HNRNPH1: variants seen among roughly 807,000 people sequenced by gnomAD.
HNRNPH1 encodes the protein heterogeneous nuclear ribonucleoprotein H.
A neutral mutation model predicts 58.6 loss-of-function variants in HNRNPH1; 4 were observed. That is an observed-to-expected ratio of 0.07 (90% CI 0.03 to 0.16). The LOEUF (loss-of-function observed/expected upper bound fraction) is 0.16, where lower values mean the gene tolerates loss of function less well. Ranked by LOEUF, HNRNPH1 falls within the 10% of genes least tolerant of loss-of-function variation. HNRNPH1 has a pLI of 1.00. For synonymous variants in HNRNPH1, 192 were observed against 189.2 expected, an observed-to-expected ratio of 1.01 and a Z score of -0.12; for missense variants, 271 against 564.2, an observed-to-expected ratio of 0.48 and a Z score of 5.26.
chr5:179,616,703 T>C (rs976598595), intron 10 of HNRNPH1, 166 bp downstream of exon 11: 23 of 647,606 alleles, frequency 3.6e-5, no homozygotes, highest in Non-Finnish European at 5.1e-5. Flanking sequence ...AGGAACTTCA[T>C]AACTCACAAG....
At chr5:179,626,753 GGTCTTTAT>G (rs1242230090), upstream of HNRNPH1, among the ~76,000 whole-genome samples, 1 of 149,214 alleles carries the variant, frequency 6.7e-6, no homozygotes, top group Non-Finnish European at 1.5e-5. Context: ...TTGCCTCAGT[GGTCTTTAT>G]GTCTTGGTAT....
chr5:179,632,774 T>TTTTTTTTAG (rs1562374973), intron 2 of HNRNPH1, among the ~76,000 whole-genome samples: 1 of 148,568 alleles, frequency 6.7e-6, no homozygotes, highest in Non-Finnish European at 1.5e-5. Context: ...TTTTTTTTTT[T>TTTTTTTTAG]GAGACGGAGT....
rs898411418 is a variant in HNRNPH1 at position 179,623,181 on chromosome 5, A to T, written c.-48T>A. On this transcript the variant is annotated 5_prime_UTR_variant, in exon 1 of 13. Transcript: ENST00000356731. ...CGAAACAAACTGCAAAGCGGGGAGG[A>T]CCAGAACTGAGAGCGCCAATTAAGC... is the stretch of plus-strand genomic sequence containing the variant. 3.6e-5 allele frequency: 50 copies of T among 1,405,488 alleles called. No homozygotes were observed. Among genetic ancestry groups the T allele is most frequent in the Non-Finnish European group, 4.7e-5 (47 of 999,582 alleles). 87.1% of individuals were successfully genotyped at this position (1,405,488 alleles called of 1,614,324 possible). A position where few individuals can be genotyped will look rare whatever the true frequency, so the allele number is the denominator to read the frequency against.
exon 13 of HNRNPH1, chr5:179,614,773 G>C: frequency 1.3e-6 from 1 of 752,598 alleles, no homozygotes; most frequent in Admixed American, 3.4e-5. Flanking sequence ...TTAAACTGAA[G>C]TTTTCTTAAA....
At chr5:179,616,725 G>T in intron 10 of HNRNPH1, 144 bp downstream of exon 11, 1 of 693,890 alleles carries the variant, frequency 1.4e-6, no homozygotes, top group Non-Finnish European at 2.4e-6. Context: ...ATTTAAGTAA[G>T]CCAGATACAA....
intron 8 of HNRNPH1, 119 bp downstream of exon 9, chr5:179,617,395 G>A (rs1402869019): frequency 8.3e-7 from 1 of 1,210,366 alleles, no homozygotes; most frequent in Non-Finnish European, 1.2e-6. Flanking sequence ...CATCCCCCAA[G>A]AATTAATCTA....
intron 12 of HNRNPH1, 42 bp from the exon 14 acceptor site, chr5:179,615,001 C>T: frequency 8.9e-7 from 1 of 1,124,798 alleles, no homozygotes; most frequent in Non-Finnish European, 1.3e-6. Flanking sequence ...TAATATCAGA[C>T]TACCAGTCAA....
At chr5:179,617,170 C>CT in intron 8 of HNRNPH1, 60 bp from the exon 10 acceptor site, 1 of 1,526,612 alleles carries the variant, frequency 6.6e-7, no homozygotes, top group Non-Finnish European at 9.0e-7. Flanking sequence ...AGAATAAGCA[C>CT]TTTTATAAAG....
At chr5:179,621,139 T>G (rs865913754) in intron 2 of HNRNPH1, 103 bp downstream of exon 3, 1 of 1,490,944 alleles carries the variant, frequency 6.7e-7, no homozygotes, top group Middle Eastern at 1.7e-4. Context: ...CAAACTCCCT[T>G]AGATGACCAT....
chr5:179,623,267 G>A lies in HNRNPH1; in HGVS notation c.-134C>T, dbSNP rs886465765. The A allele has an allele frequency of 5.5e-6, 3 of 544,084 alleles. No individual in the cohort carries two copies. The South Asian group carries it at 5.5e-5, about 10-fold the overall frequency. The allele number at this position is 544,084 out of a possible 1,614,324, so 33.7% of individuals were successfully genotyped here. On this transcript the variant is annotated 5_prime_UTR_variant, in exon 1 of 13. Coordinates refer to ENST00000356731, the Ensembl canonical transcript of HNRNPH1. ...CGCCCCCCCACGGAGCAAAAACCGG[G>A]CGGATGCACCCACCCCGGCGACTCC... is the stretch of plus-strand genomic sequence containing the variant.
At chr5:179,629,119 A>G (rs1432021603), upstream of HNRNPH1, 47 of 149,374 alleles carry the variant, frequency 3.1e-4, no homozygotes, top group African/African-American at 1.1e-3. Context: ...AACACAGTGA[A>G]ACCCCGTCTC....
intron 1 of HNRNPH1, chr5:179,621,603 C>G (rs1562299904): frequency 1.7e-6 from 1 of 572,932 alleles, no homozygotes; most frequent in Non-Finnish European, 3.1e-6. Context: ...AACCCATCAA[C>G]AACATACAAT....
intron 2 of HNRNPH1, among the ~76,000 whole-genome samples, chr5:179,633,235 G>A (rs919000303): frequency 1.3e-5 from 2 of 151,488 alleles, no homozygotes; most frequent in African/African-American, 4.9e-5. Flanking sequence ...CAGGTAATCC[G>A]CCGCCTCAGC....
Position 179,623,390 on chromosome 5 carries a change from A to C in HNRNPH1, c.-257T>G, listed in dbSNP as rs749888423. The C allele has an allele frequency of 3.3e-4, 95 of 285,168 alleles. 1 individual carries two copies. The highest frequency in any genetic ancestry group is 1.0e-3 in the South Asian group (25 of 24,850). 17.7% of individuals were successfully genotyped at this position (285,168 alleles called of 1,614,324 possible). ...GGGCCCGGGCCGAGAGCCAGCGTAG[A>C]GGAAAGGAAATGGCGGCGGCCGCTT... On this transcript the variant is annotated 5_prime_UTR_variant, in exon 1 of 13. Coordinates refer to ENST00000356731, the Ensembl canonical transcript of HNRNPH1.
chr5:179,624,835 C>A (rs1037175181), upstream of HNRNPH1, among the ~76,000 whole-genome samples: 1 of 152,194 alleles, frequency 6.6e-6, no homozygotes, highest in African/African-American at 2.4e-5. Context: ...GAGTGCCACC[C>A]TGGGAAGATG....
intron 2 of HNRNPH1, among the ~76,000 whole-genome samples, chr5:179,631,086 T>C (rs901248196): frequency 6.6e-6 from 1 of 152,056 alleles, no homozygotes. Context: ...TAATGAAGTA[T>C]GGAATAAATT....
chr5:179,617,872 A>T, exon 7 of HNRNPH1: 1 of 1,613,144 alleles, frequency 6.2e-7, no homozygotes, highest in South Asian at 1.1e-5. Flanking sequence ...TGTGCTCTGG[A>T]AAGTAGAGCC....
At chr5:179,617,313 ACTT>A (rs1395000766) in intron 8 of HNRNPH1, 198 bp downstream of exon 9, 7 of 735,966 alleles carry the variant, frequency 9.5e-6, no homozygotes, top group Admixed American at 2.9e-5. Context: ...AAGGATATAC[ACTT>A]CAAGATGTGC....
At chr5:179,621,198 G>A in intron 2 of HNRNPH1, 44 bp downstream of exon 3, 1 of 1,585,364 alleles carries the variant, frequency 6.3e-7, no homozygotes, top group African/African-American at 1.3e-5. Flanking sequence ...GACCTCTATT[G>A]TTTAATGCTT....
Sources: allele counts gnomAD v4.1 joint callset (sites outside exome capture counted in the v4.1 genomes callset), GRCh38; gene constraint gnomAD v4.1.1; transcripts MANE v1.5; gene names NCBI Gene and HGNC (gene_info 2026-07-23, HGNC 2026-07-21).